Variants in CDK18 observed in about 807,000 individuals in gnomAD.
CDK18 encodes cyclin dependent kinase 18.
In CDK18, 52 loss-of-function variants were observed where a neutral mutation model predicts 62.0. The observed-to-expected ratio is 0.84, with a 90% CI of 0.67 to 1.06. The LOEUF (loss-of-function observed/expected upper bound fraction) is 1.06, where lower values mean the gene tolerates loss of function less well. Ranked by LOEUF, CDK18 falls within the 50% of genes least tolerant of loss-of-function variation. The probability of loss-of-function intolerance (pLI) is 0.00; values close to 1 mark genes in which losing one functional copy is unlikely to be tolerated. For missense variants in CDK18, 604 were observed against 619.9 expected (o/e 0.97, Z 0.27); for synonymous variants, 237 against 247.0 (o/e 0.96, Z 0.38).
Position 205,527,028 on chromosome 1 carries a change from C to G in CDK18, c.729+191C>G, listed in dbSNP as rs1345347319. On this transcript the variant is annotated intron_variant, in intron 8 of 15. Transcript: ENST00000429964. This position sits in a 1 kb window ranked among gnomAD's most constrained non-coding sequence, Gnocchi z 4.1. ...TTGAGCGCTTTACCCCAAGAACAGA[C>G]ACACACTGTCTGCCACTGTCTAGCT... 1.7e-6 allele frequency: 1 copy of G among 584,764 alleles called. No individual in the cohort carries two copies. The highest frequency in any genetic ancestry group is 2.1e-5 in the South Asian group (1 of 48,250). 36.2% of individuals were successfully genotyped at this position (584,764 alleles called of 1,614,324 possible).
At chr1:205,506,180 G>A (rs1029177704) in intron 1 of CDK18, among the ~76,000 whole-genome samples, 1 of 152,184 alleles carries the variant, frequency 6.6e-6, no homozygotes, top group African/African-American at 2.4e-5. Context: ...AGGGTCGGTG[G>A]AGTACAGGGC....
At chr1:205,504,846 C>G (rs4951006) in intron 1 of CDK18, 50 bp downstream of exon 1, 150,013 of 152,398 alleles carry the variant, frequency 0.98, 73,872 homozygotes, top group Middle Eastern at 1. Flanking sequence ...GTCGGAGGAG[C>G]GGGCACCGCG....
intron 1 of CDK18, chr1:205,522,909 GC>G (rs1482349222): frequency 2.4e-5 from 12 of 500,264 alleles, no homozygotes; most frequent in Middle Eastern, 1.1e-3. Context: ...GGCGGGGCGG[GC>G]GGTGGGCAGT....
At chr1:205,530,866 G>A (rs1057135135) in intron 15 of CDK18, among the ~76,000 whole-genome samples, 161 bp downstream of exon 15, 4 of 152,240 alleles carry the variant, frequency 2.6e-5, no homozygotes, top group Middle Eastern at 3.4e-3. Context: ...AGACTTCCTC[G>A]TCCAGCTCTT....
chr1:205,530,107 G>A, intron 13 of CDK18, 152 bp from the exon 14 acceptor site: 1 of 1,455,246 alleles, frequency 6.9e-7, no homozygotes, highest in South Asian at 1.4e-5. Flanking sequence ...CTGAGGTTGG[G>A]TTTGTGGTAG....
chr1:205,522,059 G>C (rs919256404), intron 1 of CDK18, among the ~76,000 whole-genome samples: 1 of 152,332 alleles, frequency 6.6e-6, no homozygotes, highest in South Asian at 2.1e-4. Flanking sequence ...GCTGCACTGA[G>C]CGTGTAGGAA....
At chr1:205,514,075 G>A (rs562173957) in intron 1 of CDK18, among the ~76,000 whole-genome samples, 1 of 152,210 alleles carries the variant, frequency 6.6e-6, no homozygotes, top group Non-Finnish European at 1.5e-5. Context: ...GACGAGTCAC[G>A]CCACAGTGCT....
chr1:205,528,982 C>T lies in CDK18; in HGVS notation c.975-17C>T, dbSNP rs554651789. The T allele has an allele frequency of 1.9e-5, 29 of 1,545,454 alleles. No individual in the cohort carries two copies. The Admixed American group carries it at 2.7e-4, about 14-fold the overall frequency. On this transcript the variant is annotated splice_polypyrimidine_tract_variant and intron_variant, in intron 10 of 15. Coordinates refer to ENST00000429964, the MANE Select transcript of CDK18 (RefSeq NM_212502.3). This position sits in a 1 kb window ranked among gnomAD's most constrained non-coding sequence, Gnocchi z 4.2. ...CCGCCCCTGCCTGATGCCGACCCTA[C>T]CCCTTGCTCCTCGCAGGGGCGTGGG...
In CDK18 at chr1:205,530,724, C is replaced by G. The variant is rs774787727; in HGVS notation, c.1390+19C>G. On this transcript the variant is annotated intron_variant, in intron 15 of 15. Coordinates refer to ENST00000429964, the MANE Select transcript of CDK18 (RefSeq NM_212502.3). The stretch of plus-strand genomic sequence containing the variant: ...CAGCCAGGTAGGGGCTTGTGCTCTC[C>G]TGGACCCCTCCCCTTGTTAGTGGAA... 2.0e-5 allele frequency: 32 copies of G among 1,606,584 alleles called. No individual in the cohort carries two copies. Among genetic ancestry groups the G allele is most frequent in the African/African-American group, 8.0e-5 (6 of 74,756 alleles).
chr1:205,515,710 G>A (rs1667785292), intron 1 of CDK18, among the ~76,000 whole-genome samples: 1 of 152,172 alleles, frequency 6.6e-6, no homozygotes, highest in Non-Finnish European at 1.5e-5. Context: ...GTTCCTCACT[G>A]CAGGACATTT....
chr1:205,530,442 G>A, intron 14 of CDK18, 93 bp downstream of exon 14: 2 of 1,372,272 alleles, frequency 1.5e-6, no homozygotes, highest in Non-Finnish European at 1.0e-6. Context: ...GAGGCCAGAG[G>A]CCCCAGCCCC....
intron 15 of CDK18, 71 bp from the exon 16 acceptor site, chr1:205,531,273 G>C: frequency 7.1e-7 from 1 of 1,418,418 alleles, no homozygotes; most frequent in South Asian, 1.1e-5. Flanking sequence ...GACAGCGACT[G>C]TCCCTGCTGA....
chr1:205,506,886 G>T (rs1319824582), intron 1 of CDK18, among the ~76,000 whole-genome samples: 2 of 152,242 alleles, frequency 1.3e-5, no homozygotes, highest in Non-Finnish European at 2.9e-5. Context: ...TAGGTTCTTG[G>T]TCTGAGATCT....
chr1:205,518,165 A>C (rs1323122636), intron 1 of CDK18, among the ~76,000 whole-genome samples: 1 of 152,020 alleles, frequency 6.6e-6, no homozygotes, highest in Non-Finnish European at 1.5e-5. Flanking sequence ...TAAACTTGCA[A>C]CTGCACTTCC....
At chr1:205,505,192 T>C (rs1292474994) in intron 1 of CDK18, among the ~76,000 whole-genome samples, 1 of 152,120 alleles carries the variant, frequency 6.6e-6, no homozygotes, top group Non-Finnish European at 1.5e-5. Context: ...AACCAGGCGC[T>C]TTCTAAGCTC....
In CDK18 at chr1:205,529,101, G is replaced by C. The variant is rs1479153342; in HGVS notation, c.1072+5G>C. ...ACCTCATCTTTCGCCTCCTCGGTCA[G>C]TCTCCCGCTGCTCCGTCCCTCTCAC... On this transcript the variant is annotated splice_donor_5th_base_variant and intron_variant, in intron 11 of 15. Coordinates refer to ENST00000429964, the MANE Select transcript of CDK18 (RefSeq NM_212502.3). 2.6e-6 allele frequency: 4 copies of C among 1,568,604 alleles called. No homozygotes were observed. The highest frequency in any genetic ancestry group is 3.5e-6 in the Non-Finnish European group (4 of 1,155,760).
chr1:205,511,674 G>A lies in CDK18; in HGVS notation c.-22+6878G>A, dbSNP rs545901058. On this transcript the variant is annotated intron_variant, in intron 1 of 15. Transcript: ENST00000429964. ...TCTGGGTTATCTAACAGTGTGCTGT[G>A]TTTATATGTGCATGCCTGTGACACA... Among the ~76,000 whole-genome samples the A allele has an allele frequency of 2.6e-5, 4 of 152,310 alleles. No individual in the cohort carries two copies. The South Asian group carries it at 8.3e-4, about 32-fold the overall frequency.
rs754564567 is a variant in CDK18, at chr1:205,528,212, G to C, written c.974+44G>C. The C allele has an allele frequency of 9.3e-6, 15 of 1,606,346 alleles. No homozygotes were observed. Among genetic ancestry groups the C allele is most frequent in the Non-Finnish European group, 1.2e-5 (14 of 1,175,656 alleles). ...GACCGAGGAGGGGAGGACAGGCCTG[G>C]CCACACCTCCAGACTCTCCTTTGCT... On this transcript the variant is annotated intron_variant, in intron 10 of 15. Transcript: ENST00000429964. The surrounding 1 kb of genome is among the most constrained non-coding windows in gnomAD (Gnocchi z 4.2).
chr1:205,520,636 G>A (rs1325376812), intron 1 of CDK18, among the ~76,000 whole-genome samples: 1 of 151,298 alleles, frequency 6.6e-6, no homozygotes, highest in East Asian at 1.9e-4. Context: ...GAAGGTGGAG[G>A]TTGCAGTGAG....
Sources: gnomAD v4.1 joint callset for allele counts (sites outside exome capture counted in the v4.1 genomes callset) on GRCh38, gnomAD v4.1.1 for gene constraint, Gnocchi (gnomAD v3.1) non-coding constraint, MANE v1.5 for transcripts, NCBI Gene and HGNC (gene_info 2026-07-23, HGNC 2026-07-21) for gene names.